The following AKAP19 variants were observed in gnomAD, a reference collection of about 807,000 sequenced individuals.
AKAP19 encodes the protein A-kinase anchoring protein 19.
the AKAP19 span, among the ~76,000 whole-genome samples, chr2:189,975,384 C>T: frequency 2.6e-5 from 4 of 152,172 alleles, no homozygotes; most frequent in South Asian, 2.1e-4. Flanking sequence ...TTGTGGGTAA[C>T]CCGACCTTTC....
chr2:190,045,817 G>T, the AKAP19 span, among the ~76,000 whole-genome samples: 1 of 152,170 alleles, frequency 6.6e-6, no homozygotes. Context: ...CTTTGCCAGA[G>T]CTGCAGCTAC....
At chr2:190,087,750 G>T in the AKAP19 span, among the ~76,000 whole-genome samples, 3 of 152,186 alleles carry the variant, frequency 2.0e-5, no homozygotes, top group African/African-American at 7.2e-5. Flanking sequence ...CTGCTCAGGG[G>T]CATCCTCAGA....
the AKAP19 span, among the ~76,000 whole-genome samples, chr2:189,893,236 C>T: frequency 6.6e-6 from 1 of 152,310 alleles, no homozygotes; most frequent in South Asian, 2.1e-4. Context: ...ACAGTTCTGT[C>T]TCATTGGTGT....
the AKAP19 span, among the ~76,000 whole-genome samples, chr2:190,166,759 T>C: frequency 6.6e-6 from 1 of 152,168 alleles, no homozygotes; most frequent in African/African-American, 2.4e-5. Flanking sequence ...GGGACTTCCT[T>C]GATCTGATTT....
chr2:189,901,072 CTT>C, the AKAP19 span, among the ~76,000 whole-genome samples: 1 of 152,088 alleles, frequency 6.6e-6, no homozygotes, highest in Non-Finnish European at 1.5e-5. Context: ...TCTGCTTTCT[CTT>C]TTTGCTTTCC....
chr2:190,196,846 A>G, the AKAP19 span, among the ~76,000 whole-genome samples: 8 of 152,154 alleles, frequency 5.3e-5, no homozygotes, highest in Non-Finnish European at 1.0e-4. Context: ...CATAGACCCT[A>G]TGTGTCTTAG....
the AKAP19 span, among the ~76,000 whole-genome samples, chr2:190,106,094 C>T: frequency 6.6e-6 from 1 of 152,112 alleles, no homozygotes; most frequent in African/African-American, 2.4e-5. Context: ...CAAACTATGG[C>T]AAAAGAGACA....
the AKAP19 span, among the ~76,000 whole-genome samples, chr2:190,070,156 C>A: frequency 6.6e-6 from 1 of 152,062 alleles, no homozygotes; most frequent in Non-Finnish European, 1.5e-5. Context: ...TCCGGCTTGG[C>A]AACTGAAAGA....
chr2:190,146,299 C>T, the AKAP19 span, among the ~76,000 whole-genome samples: 2 of 152,210 alleles, frequency 1.3e-5, no homozygotes, highest in Non-Finnish European at 2.9e-5. Context: ...ATCCAGGTCA[C>T]TGCAAATGCT....
the AKAP19 span, among the ~76,000 whole-genome samples, chr2:190,077,425 T>C: frequency 1.4e-5 from 2 of 143,278 alleles, no homozygotes; most frequent in Non-Finnish European, 2.9e-5. Context: ...TTGGCCAGGC[T>C]AAAATGTTAA....
At chr2:190,040,468 G>T in the AKAP19 span, among the ~76,000 whole-genome samples, 1 of 152,138 alleles carries the variant, frequency 6.6e-6, no homozygotes, top group Non-Finnish European at 1.5e-5. Context: ...TCTGTAGATT[G>T]TCTGTTTACT....
At chr2:190,143,690 T>C in the AKAP19 span, among the ~76,000 whole-genome samples, 17 of 152,178 alleles carry the variant, frequency 1.1e-4, no homozygotes, top group African/African-American at 3.9e-4. Context: ...CAAAGGACTA[T>C]AAATCATGCT....
At chr2:189,984,320 A>G in the AKAP19 span, among the ~76,000 whole-genome samples, 2 of 152,162 alleles carry the variant, frequency 1.3e-5, no homozygotes, top group Non-Finnish European at 2.9e-5. Flanking sequence ...CTAGGTGCGC[A>G]TTCTCTTTCT....
the AKAP19 span, among the ~76,000 whole-genome samples, chr2:190,198,691 G>A: frequency 6.9e-6 from 1 of 145,396 alleles, no homozygotes; most frequent in East Asian, 2.1e-4. Flanking sequence ...AATTTTTAGA[G>A]CTATGTTTTT....
At chr2:189,881,887 A>T in the AKAP19 span, among the ~76,000 whole-genome samples, 1 of 152,212 alleles carries the variant, frequency 6.6e-6, no homozygotes, top group Non-Finnish European at 1.5e-5. Context: ...ATTAAAGACA[A>T]ATCATGGTAG....
chr2:190,020,608 CCTG>C, the AKAP19 span, among the ~76,000 whole-genome samples: 1 of 152,102 alleles, frequency 6.6e-6, no homozygotes, highest in African/African-American at 2.4e-5. Context: ...TTCTCTTTAA[CCTG>C]TTTTTAACTA....
At chr2:190,179,342 G>A in the AKAP19 span, among the ~76,000 whole-genome samples, 2 of 152,040 alleles carry the variant, frequency 1.3e-5, no homozygotes, top group African/African-American at 4.8e-5. The surrounding 1 kb of genome is among the most constrained non-coding windows in gnomAD (Gnocchi z 6.0). Context: ...GGGAGGTGGG[G>A]GTTGCAGTGA....
At chr2:190,129,924 G>C in the AKAP19 span, among the ~76,000 whole-genome samples, 2 of 151,986 alleles carry the variant, frequency 1.3e-5, no homozygotes, top group Non-Finnish European at 2.9e-5. Flanking sequence ...ATCCAGCCCA[G>C]GATATTTTTC....
At chr2:190,150,551 T>TA in the AKAP19 span, 2 of 152,598 alleles carry the variant, frequency 1.3e-5, 1 homozygote, top group South Asian at 4.1e-4. Context: ...TTGGGGGACT[T>TA]ACAGTATTTG....
Sources: gnomAD v4.1 joint callset for allele counts (sites outside exome capture counted in the v4.1 genomes callset) on GRCh38, gnomAD v4.1.1 for gene constraint, Gnocchi (gnomAD v3.1) non-coding constraint, MANE v1.5 for transcripts, NCBI Gene and HGNC (gene_info 2026-07-23, HGNC 2026-07-21) for gene names.